RAD51D: variants seen among roughly 807,000 people sequenced by gnomAD.
RAD51D encodes DNA repair protein RAD51 homolog 4.
Under a neutral mutation model 44.1 loss-of-function variants are expected in RAD51D, and 38 were observed. The ratio of observed to expected loss-of-function variants is 0.86; its 90% CI spans 0.67 to 1.13. The LOEUF is 1.13. RAD51D is among the 50% of genes most tolerant of loss of function. The pLI is 0.00. For synonymous variants in RAD51D, 141 were observed against 166.6 expected (o/e 0.85, Z 1.18); for missense variants, 390 against 414.0 (o/e 0.94, Z 0.50).
rs992441742 is a variant in RAD51D, at chr17:35,093,741, A to G, written c.*7212T>C. ...TGTTGCTTCTATTCTGTGTAGTACT[A>G]AAAGTCAGTTTAGCCAGTGCAATAG... On this transcript the variant is annotated 3_prime_UTR_variant, in exon 10 of 10. Coordinates refer to ENST00000345365, the MANE Select transcript of RAD51D (RefSeq NM_002878.4). 1.3e-5 allele frequency: 2 copies of G among 152,250 alleles called. No homozygotes were observed. The highest frequency in any genetic ancestry group is 4.8e-5 in the African/African-American group (2 of 41,468). The allele number at this position is 152,250 out of a possible 1,614,324, so 9.4% of individuals were successfully genotyped here.
Position 35,100,708 on chromosome 17 carries a change from A to C in RAD51D, c.*245T>G, listed in dbSNP as rs1013637849. On this transcript the variant is annotated 3_prime_UTR_variant, in exon 10 of 10. Transcript: ENST00000345365. ...GGTTTCCACCAGAAACATACACGTT[A>C]GAAATAAGGGAAGGAAACGTGGCAC... 3.1e-6 allele frequency: 2 copies of C among 635,108 alleles called. No homozygotes were observed. Among genetic ancestry groups the C allele is most frequent in the African/African-American group, 3.6e-5 (2 of 55,648 alleles). The allele number at this position is 635,108 out of a possible 1,614,324, so 39.3% of individuals were successfully genotyped here.
At position 35,101,231 on chromosome 17, in the gene RAD51D, G is replaced by A. The variant is rs140848654; in HGVS notation, c.873C>T (p.Arg291=). 1,029 of 1,614,178 alleles carry A rather than the reference G, an allele frequency of 6.4e-4. 8 individuals carry two copies. In the African/African-American group the frequency reaches 0.012, roughly 19 times the overall value. ...IEGAGASGGR[R]MACLAKSSRQ... is the part of the protein sequence containing the mutation. ...GGGAAGATTTGGCCAGACACGCCAT[G>A]CGCCGGCCGCCTGATGCTCCTGCTC... Residue 291 remains arginine, a synonymous_variant, in exon 9 of 10, where the codon CGC becomes CGT. Transcript: ENST00000345365.
intron 3 of RAD51D, among the ~76,000 whole-genome samples, chr17:35,111,429 T>TGTCCCACACCTGTA (rs956708738): frequency 4.7e-5 from 7 of 149,368 alleles, no homozygotes; most frequent in African/African-American, 1.7e-4. Flanking sequence ...CCAGGCATGG[T>TGTCCCACACCTGTA]GTCCCACACC....
At chr17:35,115,726 G>A (rs1191073775) in intron 3 of RAD51D, among the ~76,000 whole-genome samples, 1 of 151,786 alleles carries the variant, frequency 6.6e-6, no homozygotes, top group Admixed American at 6.6e-5. Flanking sequence ...AAAATTAGCT[G>A]GGCGTTGATG....
intron 3 of RAD51D, 72 bp downstream of exon 3, chr17:35,118,429 C>A (rs2091774442): frequency 1.5e-6 from 2 of 1,308,076 alleles, no homozygotes; most frequent in African/African-American, 2.9e-5. Context: ...TAGACTCAAG[C>A]ATCAAAAGCA....
Position 35,103,171 on chromosome 17 carries a change from G to T in RAD51D, c.738+83C>A. 5 of 1,391,462 alleles carry T rather than the reference G, an allele frequency of 3.6e-6. No homozygotes were observed. The highest frequency in any genetic ancestry group is 5.0e-6 in the Non-Finnish European group (5 of 1,002,384). 86.2% of individuals were successfully genotyped at this position (1,391,462 alleles called of 1,614,324 possible). ...GTCCCTTTCCTAAAGGGCCACTTTG[G>T]GGTTCAGAAGCTGACATTTAAGGGA... On this transcript the variant is annotated intron_variant, in intron 8 of 9. Coordinates refer to ENST00000345365, the MANE Select transcript of RAD51D (RefSeq NM_002878.4). The surrounding 1 kb of genome is among the most constrained non-coding windows in gnomAD (Gnocchi z 4.1).
In RAD51D at chr17:35,108,275, C is replaced by T. The variant is rs145209787; in HGVS notation, c.264-828G>A. On this transcript the variant is annotated intron_variant, in intron 3 of 9. Coordinates refer to ENST00000345365, the MANE Select transcript of RAD51D (RefSeq NM_002878.4). ...ACAAAACAAACAACAACAACAACAACAAGAAAAAACAACTTTGAGATAATT... is the reference window on the plus strand; with the variant it reads ...ACAAAACAAACAACAACAACAACAATAAGAAAAAACAACTTTGAGATAATT... Among the ~76,000 whole-genome samples the T allele has an allele frequency of 7.1e-4, 107 of 151,578 alleles. No individual in the cohort carries two copies. The East Asian group carries it at 0.013, about 18-fold the overall frequency.
intron 8 of RAD51D, among the ~76,000 whole-genome samples, chr17:35,101,590 C>T (rs927223620): frequency 3.3e-5 from 5 of 152,118 alleles, no homozygotes; most frequent in African/African-American, 9.7e-5. Flanking sequence ...AACCAGAAGG[C>T]GATGGGGCAC....
intron 3 of RAD51D, among the ~76,000 whole-genome samples, chr17:35,117,323 T>C (rs1453082091): frequency 6.6e-6 from 1 of 152,148 alleles, no homozygotes; most frequent in Non-Finnish European, 1.5e-5. Context: ...GCCAAGAGAA[T>C]GTGTTAAGGA....
chr17:35,114,436 C>T (rs1487718748), intron 3 of RAD51D, among the ~76,000 whole-genome samples: 1 of 151,912 alleles, frequency 6.6e-6, no homozygotes, highest in African/African-American at 2.4e-5. Flanking sequence ...GTCATCTCAA[C>T]ACTTTGGGAG....
Position 35,100,996 on chromosome 17 carries a change from C to T in RAD51D, c.944G>A (p.Gly315Glu), listed in dbSNP as rs786203144. 3 of 1,613,738 alleles carry T rather than the reference C, an allele frequency of 1.9e-6. No individual in the cohort carries two copies. The highest frequency in any genetic ancestry group is 2.5e-6 in the Non-Finnish European group (3 of 1,179,786). Reference sequence around the variant, plus strand: ...TAATGTGGCACTCTGCTCTGAGGTCCCCCAGGTCCCAATGTCTACCATCTC... The same window carrying T: ...TAATGTGGCACTCTGCTCTGAGGTCTCCCAGGTCCCAATGTCTACCATCTC... ...FQEMVDIGTW[G>E]TSEQSATLQG... Residue 315 changes from glycine (G) to glutamate (E), a missense_variant, in exon 10 of 10, where the codon GGG becomes GAG. Gly to Glu is a moderately conservative substitution (Grantham distance 98, BLOSUM62 -2). Coordinates refer to ENST00000345365, the MANE Select transcript of RAD51D (RefSeq NM_002878.4).
intron 8 of RAD51D, 135 bp from the exon 9 acceptor site, chr17:35,101,500 C>A: frequency 1.0e-6 from 1 of 970,056 alleles, no homozygotes; most frequent in African/African-American, 1.6e-5. Flanking sequence ...AACCTAATGG[C>A]AGGTCTGGAA....
At position 35,103,425 on chromosome 17, in the gene RAD51D, C is replaced by T. The variant is rs2142419861; in HGVS notation, c.667+29G>A. 1 of 1,612,616 alleles carries T rather than the reference C, an allele frequency of 6.2e-7. No homozygotes were observed. Among genetic ancestry groups the T allele is most frequent in the South Asian group, 1.1e-5 (1 of 91,050 alleles). ...AGCTGGGAGGCGAGGTCACATTCCACTGGCCCCAGGCTCTGCCACATCACT... is the reference window on the plus strand; with the variant it reads ...AGCTGGGAGGCGAGGTCACATTCCATTGGCCCCAGGCTCTGCCACATCACT... On this transcript the variant is annotated intron_variant, in intron 7 of 9. Transcript: ENST00000345365. The surrounding 1 kb of genome is among the most constrained non-coding windows in gnomAD (Gnocchi z 4.1).
In RAD51D at chr17:35,110,881, C is replaced by T. The variant is rs138277266; in HGVS notation, c.264-3434G>A. ...CAGCACTTTGGGAGGCCGAGGCGGG[C>T]GATCACCTGAGGTCAGGAGTTCAAG... is the stretch of plus-strand genomic sequence containing the variant. On this transcript the variant is annotated intron_variant, in intron 3 of 9. Transcript: ENST00000345365. 1.3e-3 allele frequency among the ~76,000 whole-genome samples: 195 copies of T among 150,484 alleles called. 1 individual carries two copies. In the East Asian group the frequency reaches 0.029, roughly 23 times the overall value.
At chr17:35,111,986 T>C (rs559355825) in intron 3 of RAD51D, among the ~76,000 whole-genome samples, 1 of 152,384 alleles carries the variant, frequency 6.6e-6, no homozygotes, top group Non-Finnish European at 1.5e-5. Flanking sequence ...ATTTTCAGCA[T>C]ACAGATTCTA....
intron 8 of RAD51D, among the ~76,000 whole-genome samples, chr17:35,102,586 G>T (rs1298377052): frequency 6.6e-6 from 1 of 150,960 alleles, no homozygotes; most frequent in African/African-American, 2.4e-5. Flanking sequence ...CTGTGATTGT[G>T]CCCCTGCACT....
At chr17:35,118,443 C>G in intron 3 of RAD51D, 58 bp downstream of exon 3, 1 of 1,427,968 alleles carries the variant, frequency 7.0e-7, no homozygotes, top group South Asian at 1.1e-5. Flanking sequence ...AAAAGCAGAG[C>G]TGAGAGGAGG....
At chr17:35,111,354 CAAAAA>C (rs60278898) in intron 3 of RAD51D, among the ~76,000 whole-genome samples, 1 of 127,382 alleles carries the variant, frequency 7.9e-6, no homozygotes, top group Non-Finnish European at 1.7e-5. Context: ...AACTCCATCT[CAAAAA>C]AAAAAAAAAG....
Position 35,099,700 on chromosome 17 carries a change from C to G in RAD51D, c.*1253G>C, listed in dbSNP as rs1399288167. 2.6e-6 allele frequency: 1 copy of G among 388,078 alleles called. No homozygotes were observed. Among genetic ancestry groups the G allele is most frequent in the African/African-American group, 2.1e-5 (1 of 47,620 alleles). 24.0% of individuals were successfully genotyped at this position (388,078 alleles called of 1,614,324 possible). A position where few individuals can be genotyped will look rare whatever the true frequency, so the allele number is the denominator to read the frequency against. The stretch of plus-strand genomic sequence containing the variant: ...TAACTCGGACCCTCCTTTCCTGCAG[C>G]CAAGACATAACTGATTAATTACACA... On this transcript the variant is annotated 3_prime_UTR_variant, in exon 10 of 10. Transcript: ENST00000345365.
Sources: allele counts gnomAD v4.1 joint callset (sites outside exome capture counted in the v4.1 genomes callset), GRCh38; gene constraint gnomAD v4.1.1; non-coding constraint Gnocchi (gnomAD v3.1); transcripts MANE v1.5; gene names NCBI Gene and HGNC (gene_info 2026-07-23, HGNC 2026-07-21).